XYLB: variants seen among roughly 807,000 people sequenced by gnomAD.
XYLB encodes xylulose kinase.
XYLB carries 62 observed loss-of-function variants against 78.7 expected under a neutral mutation model. That is an observed-to-expected ratio of 0.79 (90% CI 0.64 to 0.97). The LOEUF is 0.97. Among genes scored for constraint, XYLB ranks in the 50% least tolerant of loss-of-function variants. The pLI, the probability that XYLB is intolerant of heterozygous loss-of-function variation, is 0.00. For missense variants in XYLB, 687 were observed against 676.8 expected, an observed-to-expected ratio of 1.02 and a Z score of -0.17; for synonymous variants, 245 against 247.4, an observed-to-expected ratio of 0.99 and a Z score of 0.09.
intron 17 of XYLB, among the ~76,000 whole-genome samples, chr3:38,400,491 T>A (rs1708076222): frequency 6.6e-6 from 1 of 151,936 alleles, no homozygotes; most frequent in Admixed American, 6.6e-5. Context: ...TGAGGCAGAA[T>A]GAGTGGAGAG....
intron 15 of XYLB, among the ~76,000 whole-genome samples, chr3:38,393,895 C>T (rs1707769941): frequency 6.6e-6 from 1 of 152,112 alleles, no homozygotes; most frequent in African/African-American, 2.4e-5. Context: ...TTAGGACTTC[C>T]ACATATAAAT....
At position 38,370,170 on chromosome 3, in the gene XYLB, T is replaced by C. The variant is rs996324980; in HGVS notation, c.761T>C (p.Val254Ala). ...AGCCCACCAGTACCATCATGCTCAGTTGTGGTAGGTCTCCTTTCTGGTGAT... is the reference window on the plus strand; with the variant it reads ...AGCCCACCAGTACCATCATGCTCAGCTGTGGTAGGTCTCCTTTCTGGTGAT... Reference protein sequence around the residue: ...KLSPPVPSCSVVGAISSYYVQ... With the variant: ...KLSPPVPSCSAVGAISSYYVQ... The change falls in exon 9 of 19, where the codon GTT becomes GCT. Residue 254 changes from valine to alanine, a missense_variant. Physicochemically the swap from Val to Ala is moderately conservative, Grantham distance 64 (BLOSUM62 0). Transcript: ENST00000207870. 1 of 1,613,830 alleles carries C rather than the reference T, an allele frequency of 6.2e-7. No homozygotes were observed.
At chr3:38,436,347 A>T in the XYLB span, among the ~76,000 whole-genome samples, 1 of 152,188 alleles carries the variant, frequency 6.6e-6, no homozygotes, top group Non-Finnish European at 1.5e-5. Flanking sequence ...TTCTGGACAC[A>T]TACAACCTAC....
rs1214680035 is a variant in XYLB, at chr3:38,372,428, T to C, written c.766-227T>C. On this transcript the variant is annotated intron_variant, in intron 9 of 18. Transcript: ENST00000207870. Reference sequence around the variant, plus strand: ...ATCAGCAGTTTTTGAAATGACCTCATGCTCGTGGTTTCCAAACCTGCACTG... The same window carrying C: ...ATCAGCAGTTTTTGAAATGACCTCACGCTCGTGGTTTCCAAACCTGCACTG... 2.7e-5 allele frequency: 27 copies of C among 985,300 alleles called. 1 individual carries two copies. The highest frequency in any genetic ancestry group is 3.1e-5 in the Non-Finnish European group (26 of 829,926). 61.0% of individuals were successfully genotyped at this position (985,300 alleles called of 1,614,324 possible).
downstream of XYLB, among the ~76,000 whole-genome samples, chr3:38,415,878 C>T (rs1221190525): frequency 6.6e-6 from 1 of 152,076 alleles, no homozygotes; most frequent in African/African-American, 2.4e-5. Flanking sequence ...CCTCAGGAAA[C>T]CTACAATCGT....
intron 18 of XYLB, among the ~76,000 whole-genome samples, chr3:38,401,947 C>G (rs912145506): frequency 1.3e-5 from 2 of 152,056 alleles, no homozygotes; most frequent in Non-Finnish European, 2.9e-5. Context: ...AACAAGTGAG[C>G]CTGCCACCAT....
intron 2 of XYLB, chr3:38,356,532 A>T (rs1444828271): frequency 1.3e-5 from 2 of 152,340 alleles, no homozygotes; most frequent in South Asian, 2.1e-4. Context: ...AGACATGAAT[A>T]TATATAATAT....
At chr3:38,374,412 T>C (rs753556746) in intron 10 of XYLB, 50 bp from the exon 11 acceptor site, 1 of 1,613,770 alleles carries the variant, frequency 6.2e-7, no homozygotes, top group Non-Finnish European at 8.5e-7. Flanking sequence ...GTTTGCTTTG[T>C]GGTTCCCATG....
chr3:38,390,982 G>A (rs1707626595), intron 15 of XYLB, among the ~76,000 whole-genome samples: 1 of 152,166 alleles, frequency 6.6e-6, no homozygotes, highest in African/African-American at 2.4e-5. Flanking sequence ...CACTTTGGGA[G>A]GCCGATACAG....
At chr3:38,353,792 C>T (rs1705494828) in intron 2 of XYLB, among the ~76,000 whole-genome samples, 1 of 148,758 alleles carries the variant, frequency 6.7e-6, no homozygotes, top group South Asian at 2.1e-4. Context: ...GAGGCTGAGG[C>T]AGGAGAATCA....
intron 2 of XYLB, chr3:38,356,490 A>G (rs186127851): frequency 1.3e-5 from 2 of 152,278 alleles, no homozygotes; most frequent in African/African-American, 2.4e-5. Context: ...TCAACTCTCT[A>G]TCTCTGGATT....
chr3:38,362,701 G>A (rs1706039072), intron 3 of XYLB, among the ~76,000 whole-genome samples: 1 of 152,102 alleles, frequency 6.6e-6, no homozygotes, highest in Admixed American at 6.5e-5. Flanking sequence ...GAGGATTGGT[G>A]GTTTATGATT....
intron 18 of XYLB, among the ~76,000 whole-genome samples, chr3:38,405,814 C>G (rs936142858): frequency 2.0e-5 from 3 of 152,210 alleles, no homozygotes; most frequent in Non-Finnish European, 4.4e-5. Context: ...AACTGCAAGG[C>G]GGCAGCCAGG....
intron 16 of XYLB, 98 bp downstream of exon 16, chr3:38,395,661 C>G: frequency 1.5e-6 from 2 of 1,304,522 alleles, no homozygotes; most frequent in Non-Finnish European, 2.2e-6. Flanking sequence ...CATTCCCACT[C>G]CTGCAGGAAT....
intron 2 of XYLB, among the ~76,000 whole-genome samples, chr3:38,358,677 A>G (rs1318228775): frequency 6.6e-6 from 1 of 152,196 alleles, no homozygotes; most frequent in African/African-American, 2.4e-5. Context: ...AATACATGGC[A>G]GAATGTCTGG....
intron 8 of XYLB, 93 bp from the exon 9 acceptor site, chr3:38,369,963 G>T: frequency 1.9e-6 from 2 of 1,062,090 alleles, no homozygotes; most frequent in Admixed American, 1.7e-5. Flanking sequence ...ACAAGTTGTG[G>T]CAAGAGAATT....
At chr3:38,352,363 C>T (rs1322975691) in intron 2 of XYLB, among the ~76,000 whole-genome samples, 1 of 152,104 alleles carries the variant, frequency 6.6e-6, no homozygotes, top group Non-Finnish European at 1.5e-5. Context: ...TAAAAAAGAA[C>T]ACAGAAGTTT....
At chr3:38,371,465 G>A (rs1404024576) in intron 9 of XYLB, among the ~76,000 whole-genome samples, 2 of 152,042 alleles carry the variant, frequency 1.3e-5, no homozygotes, top group Non-Finnish European at 2.9e-5. Context: ...TAGTAGAGAC[G>A]GGGTTTCACC....
At chr3:38,408,005 A>C (rs1310984964) in intron 18 of XYLB, among the ~76,000 whole-genome samples, 1 of 149,974 alleles carries the variant, frequency 6.7e-6, no homozygotes, top group Non-Finnish European at 1.5e-5. Context: ...GATACCCAGA[A>C]ATTGAACTCA....
Sources: allele counts gnomAD v4.1 joint callset (sites outside exome capture counted in the v4.1 genomes callset), GRCh38; gene constraint gnomAD v4.1.1; transcripts MANE v1.5; gene names NCBI Gene and HGNC (gene_info 2026-07-23, HGNC 2026-07-21).